The following OR52B6 variants were observed in gnomAD, a reference collection of about 807,000 sequenced individuals.
OR52B6 encodes the protein olfactory receptor family 52 subfamily B member 6.
For missense variants in OR52B6, 433 were observed against 416.8 expected (o/e 1.04, Z -0.34); for synonymous variants, 169 against 160.0 (o/e 1.06, Z -0.42).
rs114857377 is a variant in OR52B6, at chr11:5,581,016, T to C, written c.140T>C (p.Leu47Pro). The change falls in exon 1 of 1, where the codon CTG (leucine) becomes CCG (proline). Residue 47 changes from leucine (L) to proline (P), a missense_variant. Physicochemically the swap from Leu to Pro is moderately conservative, Grantham distance 98. Coordinates refer to ENST00000345043, the MANE Select transcript of OR52B6 (RefSeq NM_001005162.2). ...IPGLEQLHIWLSIPFCIMYIT... is the reference protein window; with the variant it reads ...IPGLEQLHIWPSIPFCIMYIT... ...GGGCTGGAGCAACTACATATCTGGC[T>C]GTCCATCCCCTTCTGCATCATGTAC... 878 of 1,614,128 alleles carry C rather than the reference T, an allele frequency of 5.4e-4. 5 individuals carry two copies. The African/African-American group carries it at 0.011, about 19-fold the overall frequency.
rs371473658 is a variant in OR52B6, at chr11:5,581,162, A to G, written c.286A>G (p.Thr96Ala). The change falls in exon 1 of 1, where the codon ACC becomes GCC. Residue 96 changes from threonine to alanine, a missense_variant. By Grantham distance (58) the Thr-to-Ala change is moderately conservative. Transcript: ENST00000345043. The stretch of plus-strand genomic sequence containing the variant: ...CAGTGCTGATGTCTTGCTCTCTACC[A>G]CCACCATGCCTAAGGCCCTGGCCAA... ...LASADVLLST[T>A]TMPKALANLW... 9 of 1,613,134 alleles carry G rather than the reference A, an allele frequency of 5.6e-6. No homozygotes were observed. The African/African-American group carries it at 1.1e-4, about 19-fold the overall frequency.
rs756482076 is a variant in OR52B6 at position 5,581,556 on chromosome 11, G to T, written c.680G>T (p.Gly227Val). 1.2e-6 allele frequency: 2 copies of T among 1,614,036 alleles called. No individual in the cohort carries two copies. Among genetic ancestry groups the T allele is most frequent in the Middle Eastern group, 1.6e-4 (1 of 6,062 alleles). ...YGLAAALLST[G>V]LDIMLITVSY... The stretch of plus-strand genomic sequence containing the variant: ...TTGGCAGCTGCTCTTCTCTCCACAG[G>T]CCTAGACATCATGCTTATTACTGTT... The change falls in exon 1 of 1, where the codon GGC becomes GTC. Residue 227 changes from glycine (G) to valine (V), a missense_variant. Physicochemically the swap from Gly to Val is moderately radical, Grantham distance 109. Transcript: ENST00000345043.
rs777058751 is a variant in OR52B6, at chr11:5,581,697, C to A, written c.821C>A (p.Ala274Glu). The change falls in exon 1 of 1, where the codon GCG (alanine) becomes GAG (glutamate). Residue 274 changes from alanine (A) to glutamate (E), a missense_variant. By Grantham distance (107) the Ala-to-Glu change is moderately radical (BLOSUM62 -1). Transcript: ENST00000345043. ...ICVILLFYVP[A>E]LFSVFAYRFG... Reference sequence around the variant, plus strand: ...GTCATCCTACTCTTCTATGTCCCTGCGCTTTTTTCTGTCTTTGCCTACAGG... The same window carrying A: ...GTCATCCTACTCTTCTATGTCCCTGAGCTTTTTTCTGTCTTTGCCTACAGG... The A allele has an allele frequency of 4.3e-6, 7 of 1,613,904 alleles. No homozygotes were observed. Among genetic ancestry groups the A allele is most frequent in the Admixed American group, 3.3e-5 (2 of 60,016 alleles).
At position 5,581,024 on chromosome 11, in the gene OR52B6, C is replaced by G. The variant is rs368439975; in HGVS notation, c.148C>G (p.Pro50Ala). The part of the protein sequence containing the change: ...LEQLHIWLSI[P>A]FCIMYITALE... ...GCAACTACATATCTGGCTGTCCATC[C>G]CCTTCTGCATCATGTACATCACTGC... The change falls in exon 1 of 1, where the codon CCC becomes GCC. Residue 50 changes from proline (P) to alanine (A), a missense_variant. By Grantham distance (27) the Pro-to-Ala change is conservative. Transcript: ENST00000345043. The G allele has an allele frequency of 6.9e-5, 112 of 1,613,948 alleles. 1 individual carries two copies. The highest frequency in any genetic ancestry group is 8.5e-6 in the Non-Finnish European group (10 of 1,179,964).
Position 5,581,180 on chromosome 11 carries a change from C to G in OR52B6, c.304C>G (p.Leu102Val), listed in dbSNP as rs769093814. 9.3e-6 allele frequency: 15 copies of G among 1,613,148 alleles called. No individual in the cohort carries two copies. In the African/African-American group the frequency reaches 1.2e-4, roughly 13 times the overall value. ...LLSTTTMPKA[L>V]ANLWLGYSLI... ...CTCTACCACCACCATGCCTAAGGCC[C>G]TGGCCAATTTGTGGCTAGGTTATAG... Residue 102 changes from leucine (L) to valine (V), a missense_variant, in exon 1 of 1, where the codon CTG becomes GTG. Transcript: ENST00000345043.
In OR52B6 at chr11:5,581,869, C is replaced by A. The variant is rs776812880; in HGVS notation, c.993C>A (p.Ala331=). Residue 331 remains alanine, a synonymous_variant, in exon 1 of 1, where the codon GCC becomes GCA. Transcript: ENST00000345043. The part of the protein sequence containing the change: ...EGAKQMFSNL[A]KGSK ...CTAAGCAGATGTTTTCAAATCTTGC[C>A]AAAGGATCTAAATAAATGCTTTCAA... The A allele has an allele frequency of 6.3e-7, 1 of 1,578,260 alleles. No homozygotes were observed. The highest frequency in any genetic ancestry group is 8.6e-7 in the Non-Finnish European group (1 of 1,166,334).
At position 5,581,283 on chromosome 11, in the gene OR52B6, C is replaced by A; in HGVS notation, c.407C>A (p.Ala136Asp). 1 of 1,614,040 alleles carries A rather than the reference C, an allele frequency of 6.2e-7. No individual in the cohort carries two copies. The highest frequency in any genetic ancestry group is 1.6e-4 in the Middle Eastern group (1 of 6,062). The part of the protein sequence containing the change: ...FLFIHSAVLL[A>D]MAFDRYVAIC... Reference sequence around the variant, plus strand: ...TTCATTCACTCTGCTGTCCTGCTGGCCATGGCCTTTGACCGCTATGTGGCC... The same window carrying A: ...TTCATTCACTCTGCTGTCCTGCTGGACATGGCCTTTGACCGCTATGTGGCC... Residue 136 changes from alanine (A) to aspartate (D), a missense_variant, in exon 1 of 1, where the codon GCC becomes GAC. By Grantham distance (126) the Ala-to-Asp change is moderately radical (BLOSUM62 -2). Transcript: ENST00000345043.
At position 5,581,288 on chromosome 11, in the gene OR52B6, G is replaced by A; in HGVS notation, c.412G>A (p.Ala138Thr). The A allele has an allele frequency of 6.2e-7, 1 of 1,613,802 alleles. No homozygotes were observed. Among genetic ancestry groups the A allele is most frequent in the South Asian group, 1.1e-5 (1 of 91,014 alleles). Residue 138 changes from alanine (A) to threonine (T), a missense_variant, in exon 1 of 1, where the codon GCC (alanine) becomes ACC (threonine). Physicochemically the swap from Ala to Thr is moderately conservative, Grantham distance 58. Coordinates refer to ENST00000345043, the MANE Select transcript of OR52B6 (RefSeq NM_001005162.2). ...TCACTCTGCTGTCCTGCTGGCCATG[G>A]CCTTTGACCGCTATGTGGCCATCTG... ...FIHSAVLLAM[A>T]FDRYVAICSP... is the part of the protein sequence containing the mutation.
In OR52B6 at chr11:5,581,754, A is replaced by G. The variant is rs1363109654; in HGVS notation, c.878A>G (p.His293Arg). The change falls in exon 1 of 1, where the codon CAT (histidine) becomes CGT (arginine). Residue 293 changes from histidine (H) to arginine (R), a missense_variant. Transcript: ENST00000345043. ...GGGAGAAGCGTCCCATGCTATGTCC[A>G]TATTCTCCTGGCCAGCCTCTACGTT... ...FGGRSVPCYV[H>R]ILLASLYVVI... 4 of 1,614,122 alleles carry G rather than the reference A, an allele frequency of 2.5e-6. No homozygotes were observed. The highest frequency in any genetic ancestry group is 3.4e-6 in the Non-Finnish European group (4 of 1,179,998).
chr11:5,581,531 T>A lies in OR52B6; in HGVS notation c.655T>A (p.Leu219Met). Reference sequence around the variant, plus strand: ...TATCTCCATCAATGTCTGGTATGGGTTGGCAGCTGCTCTTCTCTCCACAGG... The same window carrying A: ...TATCTCCATCAATGTCTGGTATGGGATGGCAGCTGCTCTTCTCTCCACAGG... ...SDISINVWYGLAAALLSTGLD... is the reference protein window; with the variant it reads ...SDISINVWYGMAAALLSTGLD... The change falls in exon 1 of 1, where the codon TTG becomes ATG. Residue 219 changes from leucine (L) to methionine (M), a missense_variant. Transcript: ENST00000345043. 6.2e-7 allele frequency: 1 copy of A among 1,614,110 alleles called. No homozygotes were observed. Among genetic ancestry groups the A allele is most frequent in the South Asian group, 1.1e-5 (1 of 91,068 alleles).
chr11:5,581,773 C>T lies in OR52B6; in HGVS notation c.897C>T (p.Leu299=). The change falls in exon 1 of 1, where the codon CTC becomes CTT. Residue 299 remains leucine (L), a synonymous_variant. Coordinates refer to ENST00000345043, the MANE Select transcript of OR52B6 (RefSeq NM_001005162.2). The part of the protein sequence containing the change: ...PCYVHILLAS[L]YVVIPPMLNP... Reference sequence around the variant, plus strand: ...ATGTCCATATTCTCCTGGCCAGCCTCTACGTTGTCATTCCTCCTATGCTCA... The same window carrying T: ...ATGTCCATATTCTCCTGGCCAGCCTTTACGTTGTCATTCCTCCTATGCTCA... The T allele has an allele frequency of 6.2e-7, 1 of 1,614,132 alleles. No individual in the cohort carries two copies. Among genetic ancestry groups the T allele is most frequent in the Non-Finnish European group, 8.5e-7 (1 of 1,179,964 alleles).
At position 5,581,351 on chromosome 11, in the gene OR52B6, G is replaced by T. The variant is rs947016520; in HGVS notation, c.475G>T (p.Val159Phe). 7 of 1,613,086 alleles carry T rather than the reference G, an allele frequency of 4.3e-6. No individual in the cohort carries two copies. The highest frequency in any genetic ancestry group is 5.9e-6 in the Non-Finnish European group (7 of 1,179,604). The change falls in exon 1 of 1, where the codon GTC becomes TTC. Residue 159 changes from valine (V) to phenylalanine (F), a missense_variant. By Grantham distance (50) the Val-to-Phe change is conservative. Transcript: ENST00000345043. ...LRYVTILTSK[V>F]IGKIVTAALS... ...ATATGTCACAATCCTCACAAGCAAG[G>T]TCATTGGGAAGATCGTCACTGCCGC...
chr11:5,581,291 T>C lies in OR52B6; in HGVS notation c.415T>C (p.Phe139Leu). 1 of 1,613,944 alleles carries C rather than the reference T, an allele frequency of 6.2e-7. No homozygotes were observed. The highest frequency in any genetic ancestry group is 2.2e-5 in the East Asian group (1 of 44,866). ...CTCTGCTGTCCTGCTGGCCATGGCC[T>C]TTGACCGCTATGTGGCCATCTGCTC... ...IHSAVLLAMA[F>L]DRYVAICSPL... Residue 139 changes from phenylalanine to leucine, a missense_variant, in exon 1 of 1, where the codon TTT (phenylalanine) becomes CTT (leucine). Phe to Leu is a conservative substitution (Grantham distance 22). Coordinates refer to ENST00000345043, the MANE Select transcript of OR52B6 (RefSeq NM_001005162.2).
At position 5,581,666 on chromosome 11, in the gene OR52B6, A is replaced by T; in HGVS notation, c.790A>T (p.Ile264Phe). 1.2e-6 allele frequency: 2 copies of T among 1,613,932 alleles called. No individual in the cohort carries two copies. Among genetic ancestry groups the T allele is most frequent in the East Asian group, 4.5e-5 (2 of 44,864 alleles). Residue 264 changes from isoleucine to phenylalanine, a missense_variant, in exon 1 of 1, where the codon ATC (isoleucine) becomes TTC (phenylalanine). Transcript: ENST00000345043. ...GGCCCTGAGTACCTGTGGATCCCAT[A>T]TCTGTGTCATCCTACTCTTCTATGT... is the stretch of plus-strand genomic sequence containing the variant. The part of the protein sequence containing the change: ...SKALSTCGSH[I>F]CVILLFYVPA...
chr11:5,581,049 C>T lies in OR52B6; in HGVS notation c.173C>T (p.Ala58Val). The part of the protein sequence containing the change: ...SIPFCIMYIT[A>V]LEGNGILICV... ...CCCTTCTGCATCATGTACATCACTG[C>T]CCTGGAAGGCAATGGCATCCTAATT... Residue 58 changes from alanine to valine, a missense_variant, in exon 1 of 1, where the codon GCC becomes GTC. Physicochemically the swap from Ala to Val is moderately conservative, Grantham distance 64. Transcript: ENST00000345043. The T allele has an allele frequency of 6.2e-7, 1 of 1,613,940 alleles. No homozygotes were observed. Among genetic ancestry groups the T allele is most frequent in the Non-Finnish European group, 8.5e-7 (1 of 1,179,858 alleles).
chr11:5,581,512 C>T lies in OR52B6; in HGVS notation c.636C>T (p.Ser212=). 2.5e-6 allele frequency: 4 copies of T among 1,614,002 alleles called. No homozygotes were observed. Among genetic ancestry groups the T allele is most frequent in the African/African-American group, 1.3e-5 (1 of 75,046 alleles). The change falls in exon 1 of 1, where the codon TCC becomes TCT. Residue 212 remains serine, a synonymous_variant. Transcript: ENST00000345043. ...GIAHLSCSDI[S]INVWYGLAAA... ...CCCATCTGTCCTGTTCTGATATCTC[C>T]ATCAATGTCTGGTATGGGTTGGCAG...
chr11:5,580,984 C>T lies in OR52B6; in HGVS notation c.108C>T (p.Gly36=). ...GCATAGCAGGCTGCTTCCTCACTGG[C>T]ATCCCTGGGCTGGAGCAACTACATA... ...DTRIAGCFLT[G]IPGLEQLHIW... Residue 36 remains glycine (G), a synonymous_variant, in exon 1 of 1, where the codon GGC becomes GGT. Coordinates refer to ENST00000345043, the MANE Select transcript of OR52B6 (RefSeq NM_001005162.2). 2 of 1,614,092 alleles carry T rather than the reference C, an allele frequency of 1.2e-6. 1 individual carries two copies. The highest frequency in any genetic ancestry group is 2.2e-5 in the South Asian group (2 of 91,068).
At position 5,581,622 on chromosome 11, in the gene OR52B6, C is replaced by T; in HGVS notation, c.746C>T (p.Ser249Phe). ...HILQAVFRLL[S>F]QDARSKALST... ...CTCCAAGCAGTCTTCCGCCTCCTTT[C>T]TCAAGATGCCCGCTCCAAGGCCCTG... Residue 249 changes from serine (S) to phenylalanine (F), a missense_variant, in exon 1 of 1, where the codon TCT becomes TTT. By Grantham distance (155) the Ser-to-Phe change is radical (BLOSUM62 -2). Coordinates refer to ENST00000345043, the MANE Select transcript of OR52B6 (RefSeq NM_001005162.2). The T allele has an allele frequency of 6.2e-7, 1 of 1,614,180 alleles. No individual in the cohort carries two copies. Among genetic ancestry groups the T allele is most frequent in the Non-Finnish European group, 8.5e-7 (1 of 1,180,048 alleles).
In OR52B6 at chr11:5,580,965, C is replaced by G. The variant is rs1217151873; in HGVS notation, c.89C>G (p.Ala30Gly). The change falls in exon 1 of 1, where the codon GCA becomes GGA. Residue 30 changes from alanine to glycine, a missense_variant. By Grantham distance (60) the Ala-to-Gly change is moderately conservative (BLOSUM62 0). Transcript: ENST00000345043. ...ATGAACAACTCTGACACTCGCATAG[C>G]AGGCTGCTTCCTCACTGGCATCCCT... ...GAMNNSDTRI[A>G]GCFLTGIPGL... 1 of 1,613,708 alleles carries G rather than the reference C, an allele frequency of 6.2e-7. No homozygotes were observed. Among genetic ancestry groups the G allele is most frequent in the Admixed American group, 1.7e-5 (1 of 59,998 alleles).
Sources: allele counts gnomAD v4.1 joint callset, GRCh38; gene constraint gnomAD v4.1.1; transcripts MANE v1.5; gene names NCBI Gene and HGNC (gene_info 2026-07-23, HGNC 2026-07-21).